Variants in BICDL1 observed in about 807,000 individuals in gnomAD.
The protein encoded by BICDL1 is BICD family-like cargo adapter 1.
A neutral mutation model predicts 76.8 loss-of-function variants in BICDL1; 20 were observed. The observed-to-expected ratio is 0.26, with a 90% CI of 0.18 to 0.38. The LOEUF is 0.38. Ranked by LOEUF, BICDL1 falls within the 10% of genes least tolerant of loss-of-function variation. The pLI, the probability that BICDL1 is intolerant of heterozygous loss-of-function variation, is 1.00. For missense variants in BICDL1, 700 were observed against 798.6 expected (o/e 0.88, Z 1.49); for synonymous variants, 383 against 337.1 (o/e 1.14, Z -1.49).
At chr12:120,058,679 C>T (rs1461072923) in intron 2 of BICDL1, among the ~76,000 whole-genome samples, 1 of 150,862 alleles carries the variant, frequency 6.6e-6, no homozygotes, top group Non-Finnish European at 1.5e-5. Flanking sequence ...CAACCTCCCT[C>T]TCCTGGGTTT....
intron 2 of BICDL1, among the ~76,000 whole-genome samples, chr12:120,040,720 A>G (rs1188281654): frequency 7.2e-6 from 1 of 138,418 alleles, no homozygotes; most frequent in Non-Finnish European, 1.5e-5. Context: ...CTGGCCCTAT[A>G]TTTCCATGTT....
At chr12:120,013,721 C>T (rs952958146) in intron 2 of BICDL1, among the ~76,000 whole-genome samples, 4 of 152,106 alleles carry the variant, frequency 2.6e-5, no homozygotes, top group African/African-American at 7.2e-5. Context: ...CTCAGCCTCC[C>T]GAAGTGCTGG....
At chr12:120,048,293 T>C (rs188271232) in intron 2 of BICDL1, among the ~76,000 whole-genome samples, 168 of 152,308 alleles carry the variant, frequency 1.1e-3, no homozygotes, top group African/African-American at 3.7e-3. Flanking sequence ...TTAGGCTTTA[T>C]TTCTCCTGAT....
intron 2 of BICDL1, among the ~76,000 whole-genome samples, chr12:120,012,145 C>T (rs930280132): frequency 1.1e-4 from 16 of 152,132 alleles, no homozygotes; most frequent in Non-Finnish European, 1.9e-4. Context: ...TCCTCTCACC[C>T]AAATTTACTC....
chr12:120,018,070 G>A (rs1271698863), intron 2 of BICDL1, among the ~76,000 whole-genome samples: 1 of 152,168 alleles, frequency 6.6e-6, no homozygotes, highest in Admixed American at 6.5e-5. Flanking sequence ...TTTAGTAAAT[G>A]CTATTCCTGT....
chr12:120,090,934 T>C (rs1874908741), intron 9 of BICDL1: 1 of 1,288,814 alleles, frequency 7.8e-7, no homozygotes, highest in South Asian at 1.2e-5. Context: ...GGCTTTTTAC[T>C]ATCTGGCTCC....
chr12:120,051,236 C>T (rs900337136), intron 2 of BICDL1, among the ~76,000 whole-genome samples: 4 of 151,954 alleles, frequency 2.6e-5, no homozygotes, highest in East Asian at 1.9e-4. Flanking sequence ...TTAGTAGAGA[C>T]GGCATTTCAC....
intron 4 of BICDL1, among the ~76,000 whole-genome samples, chr12:120,070,311 A>G (rs1386697542): frequency 6.6e-6 from 1 of 152,160 alleles, no homozygotes; most frequent in Admixed American, 6.5e-5. Context: ...GTGAGACTCT[A>G]ATGGTATCTC....
intron 2 of BICDL1, among the ~76,000 whole-genome samples, chr12:120,035,209 G>A (rs886866758): frequency 3.3e-5 from 5 of 152,140 alleles, no homozygotes; most frequent in Admixed American, 3.3e-4. Context: ...GGTGGTGCAC[G>A]CCTGTAATTC....
intron 4 of BICDL1, among the ~76,000 whole-genome samples, chr12:120,067,444 G>A (rs1392415792): frequency 2.6e-5 from 4 of 152,166 alleles, no homozygotes; most frequent in Non-Finnish European, 5.9e-5. Context: ...CAAAGCACTT[G>A]GTGTCATTCT....
At chr12:119,992,191 A>G (rs952578179) in intron 1 of BICDL1, among the ~76,000 whole-genome samples, 2 of 152,232 alleles carry the variant, frequency 1.3e-5, no homozygotes, top group African/African-American at 2.4e-5. Context: ...AGTTTTAAAA[A>G]TGTTCATTAA....
chr12:119,990,571 T>C (rs1951499330), intron 1 of BICDL1, among the ~76,000 whole-genome samples: 1 of 152,202 alleles, frequency 6.6e-6, no homozygotes, highest in Non-Finnish European at 1.5e-5. Flanking sequence ...AAAATAGAGC[T>C]TACAGTATGA....
At chr12:120,078,056 T>C (rs1873700863) in intron 7 of BICDL1, among the ~76,000 whole-genome samples, 1 of 152,178 alleles carries the variant, frequency 6.6e-6, no homozygotes, top group East Asian at 1.9e-4. Context: ...CACCTGGGCC[T>C]TCTCCCCAGC....
rs184824690 is a variant in BICDL1 at position 120,085,645 on chromosome 12, A to G, written c.1584-4306A>G. On this transcript the variant is annotated intron_variant, in intron 8 of 9. Transcript: ENST00000548673. Reference sequence around the variant, plus strand: ...GGGAACATAATGAGACCCTGTCTCTACTAAAAATACAAATAAAAAATTAGC... The same window carrying G: ...GGGAACATAATGAGACCCTGTCTCTGCTAAAAATACAAATAAAAAATTAGC... 5.9e-5 allele frequency among the ~76,000 whole-genome samples: 9 copies of G among 152,158 alleles called. No individual in the cohort carries two copies. The East Asian group carries it at 1.2e-3, about 20-fold the overall frequency.
intron 2 of BICDL1, among the ~76,000 whole-genome samples, chr12:120,016,841 T>TA (rs11354011): frequency 0.032 from 4,715 of 147,182 alleles, 89 homozygotes; most frequent in African/African-American, 0.056. Context: ...TTTTAGTATG[T>TA]AAAAAAAAAA....
At chr12:120,025,280 G>A (rs975612949) in intron 2 of BICDL1, among the ~76,000 whole-genome samples, 2 of 151,680 alleles carry the variant, frequency 1.3e-5, no homozygotes, top group East Asian at 2.0e-4. Flanking sequence ...TTGATCTCCT[G>A]ACCTCGTGAT....
intron 7 of BICDL1, 96 bp from the exon 8 acceptor site, chr12:120,080,791 C>A: frequency 7.1e-7 from 1 of 1,416,968 alleles, no homozygotes; most frequent in Non-Finnish European, 9.6e-7. Context: ...ACACATGTAC[C>A]CTGGTCCTGC....
rs1378865793 is a variant in BICDL1 at position 119,989,310 on chromosome 12, C to T, written c.-559C>T. Among the ~76,000 whole-genome samples, 5 of 150,600 alleles carry T rather than the reference C, an allele frequency of 3.3e-5. No individual in the cohort carries two copies. The highest frequency in any genetic ancestry group is 7.4e-5 in the Non-Finnish European group (5 of 67,422). Reference sequence around the variant, plus strand: ...CGGCCCCTGCAGCAGCAGCAGCCGCCGTCGCCGCCGCTGCTGCTGGGGCTG... The same window carrying T: ...CGGCCCCTGCAGCAGCAGCAGCCGCTGTCGCCGCCGCTGCTGCTGGGGCTG... On this transcript the variant is annotated 5_prime_UTR_variant, in exon 1 of 10. Transcript: ENST00000548673.
intron 9 of BICDL1, 196 bp downstream of exon 9, chr12:120,090,267 C>A: frequency 1.6e-6 from 1 of 616,864 alleles, no homozygotes; most frequent in Non-Finnish European, 2.7e-6. Flanking sequence ...TGCTTTTGAG[C>A]GACAGTGCCC....
Sources: gnomAD v4.1 joint callset for allele counts (sites outside exome capture counted in the v4.1 genomes callset) on GRCh38, gnomAD v4.1.1 for gene constraint, MANE v1.5 for transcripts, NCBI Gene and HGNC (gene_info 2026-07-23, HGNC 2026-07-21) for gene names.